Variants in GPC5 observed in about 807,000 individuals in gnomAD.
GPC5 encodes glypican 5.
Under a neutral mutation model 53.9 loss-of-function variants are expected in GPC5, and 47 were observed. The observed-to-expected ratio is 0.87, with a 90% CI of 0.69 to 1.11. The LOEUF is 1.11. Among genes scored for constraint, GPC5 ranks in the 50% most tolerant of loss-of-function variants. The probability of loss-of-function intolerance (pLI) is 0.00; values close to 1 mark genes in which losing one functional copy is unlikely to be tolerated. For synonymous variants in GPC5, 286 were observed against 263.3 expected, an observed-to-expected ratio of 1.09 and a Z score of -0.84; for missense variants, 748 against 713.1, an observed-to-expected ratio of 1.05 and a Z score of -0.56.
chr13:91,569,486 T>G (rs547705842), intron 2 of GPC5, among the ~76,000 whole-genome samples: 1 of 152,178 alleles, frequency 6.6e-6, no homozygotes, highest in South Asian at 2.1e-4. Context: ...TTAACAATTT[T>G]AATATATAAC....
chr13:92,469,745 T>C (rs1878838600), intron 7 of GPC5, among the ~76,000 whole-genome samples: 1 of 152,124 alleles, frequency 6.6e-6, no homozygotes. Flanking sequence ...GCAAAGACTT[T>C]CATTATGGTA....
At chr13:91,770,160 C>A (rs563423951) in intron 5 of GPC5, among the ~76,000 whole-genome samples, 1 of 152,094 alleles carries the variant, frequency 6.6e-6, no homozygotes, top group South Asian at 2.1e-4. Flanking sequence ...AATTCATGAA[C>A]AGCCAAAGGG....
At chr13:92,419,525 C>T (rs530088850) in intron 7 of GPC5, among the ~76,000 whole-genome samples, 26 of 152,242 alleles carry the variant, frequency 1.7e-4, no homozygotes, top group African/African-American at 5.1e-4. Context: ...CTACAGTTTC[C>T]TCAGTGAAGA....
At chr13:92,043,666 G>A (rs959921049) in intron 6 of GPC5, among the ~76,000 whole-genome samples, 7 of 152,158 alleles carry the variant, frequency 4.6e-5, no homozygotes, top group African/African-American at 1.4e-4. Flanking sequence ...CAAGATCTGG[G>A]GTTTGCTCTT....
intron 6 of GPC5, among the ~76,000 whole-genome samples, chr13:91,909,078 C>A (rs1172037163): frequency 6.6e-6 from 1 of 152,250 alleles, no homozygotes; most frequent in Non-Finnish European, 1.5e-5. Context: ...GTGTCCAATA[C>A]CATAGATTTC....
intron 7 of GPC5, among the ~76,000 whole-genome samples, chr13:92,444,153 A>G (rs1412092569): frequency 3.3e-5 from 5 of 152,184 alleles, no homozygotes; most frequent in Non-Finnish European, 7.3e-5. Context: ...GGATCCTGAG[A>G]TTGGAATGAT....
chr13:91,524,026 T>C (rs1469265727), intron 2 of GPC5, among the ~76,000 whole-genome samples: 3 of 151,996 alleles, frequency 2.0e-5, no homozygotes, highest in Non-Finnish European at 4.4e-5. Context: ...ATGTGAATAC[T>C]ATAATAAATA....
chr13:92,527,183 A>AAAGAAAG (rs1418979808), intron 7 of GPC5, among the ~76,000 whole-genome samples: 2 of 14,938 alleles, frequency 1.3e-4, no homozygotes, highest in African/African-American at 2.2e-4. Context: ...AGAAAGAAAG[A>AAAGAAAG]AGAAAGAAAG....
chr13:92,120,183 C>T, intron 6 of GPC5, among the ~76,000 whole-genome samples: 1 of 152,162 alleles, frequency 6.6e-6, no homozygotes, highest in Non-Finnish European at 1.5e-5. Context: ...CCTTTAAAAG[C>T]AGCAGTAAGT....
chr13:92,391,068 T>C (rs1874979231), intron 7 of GPC5, among the ~76,000 whole-genome samples: 1 of 152,166 alleles, frequency 6.6e-6, no homozygotes, highest in Admixed American at 6.5e-5. Context: ...CTTTTTAATT[T>C]GCTTTGTATA....
At chr13:91,864,791 A>G (rs1040334780) in intron 5 of GPC5, among the ~76,000 whole-genome samples, 10 of 152,154 alleles carry the variant, frequency 6.6e-5, no homozygotes, top group Non-Finnish European at 1.2e-4. Context: ...TCAGAAAAGG[A>G]TATTCCAAAC....
intron 2 of GPC5, among the ~76,000 whole-genome samples, chr13:91,514,717 T>G (rs1449413235): frequency 6.6e-6 from 1 of 152,094 alleles, no homozygotes; most frequent in Non-Finnish European, 1.5e-5. Flanking sequence ...TCTCCTCATA[T>G]CTCTATTCTC....
chr13:92,082,223 A>C (rs1486336604), intron 6 of GPC5, among the ~76,000 whole-genome samples: 2 of 151,996 alleles, frequency 1.3e-5, no homozygotes, highest in Non-Finnish European at 2.9e-5. Context: ...GAATTATGAT[A>C]CTCTTCAACA....
intron 2 of GPC5, among the ~76,000 whole-genome samples, chr13:91,512,424 C>T (rs982871393): frequency 2.0e-5 from 3 of 152,202 alleles, no homozygotes; most frequent in Non-Finnish European, 2.9e-5. Context: ...GCTTTCCTCT[C>T]ATGCTCAGCA....
intron 7 of GPC5, among the ~76,000 whole-genome samples, chr13:92,248,835 A>T (rs1431114152): frequency 6.6e-6 from 1 of 151,854 alleles, no homozygotes; most frequent in African/African-American, 2.4e-5. Flanking sequence ...TGTGTTTTTT[A>T]TTCATTATTT....
At chr13:91,671,780 C>CAAAAAAAAAAAAAAA (rs55758033) in intron 2 of GPC5, among the ~76,000 whole-genome samples, 82 of 33,102 alleles carry the variant, frequency 2.5e-3, no homozygotes, top group Non-Finnish European at 3.0e-3. Flanking sequence ...CAATCTGAAG[C>CAAAAAAAAAAAAAAA]AAAAAAAAAA....
chr13:91,628,280 C>G (rs1391180248), intron 2 of GPC5, among the ~76,000 whole-genome samples: 1 of 151,774 alleles, frequency 6.6e-6, no homozygotes, highest in African/African-American at 2.4e-5. Context: ...ATTAAGTTAT[C>G]ACAATAGTTT....
chr13:92,717,964 C>T (rs1435947779), intron 7 of GPC5, among the ~76,000 whole-genome samples: 2 of 151,862 alleles, frequency 1.3e-5, no homozygotes, highest in East Asian at 3.9e-4. Context: ...AAAGACATAC[C>T]AATGGCAGAG....
At chr13:91,478,895 ATATATATG>A (rs1411253272) in intron 2 of GPC5, among the ~76,000 whole-genome samples, 20 of 100,456 alleles carry the variant, frequency 2.0e-4, no homozygotes, top group South Asian at 5.4e-4. Flanking sequence ...ATATATATAT[ATATATATG>A]CACATATATA....
Sources: allele counts gnomAD v4.1 joint callset (sites outside exome capture counted in the v4.1 genomes callset), GRCh38; gene constraint gnomAD v4.1.1; transcripts MANE v1.5; gene names NCBI Gene and HGNC (gene_info 2026-07-23, HGNC 2026-07-21).